Variants in RIMS2 observed in about 807,000 individuals in gnomAD.
RIMS2 encodes the protein regulating synaptic membrane exocytosis 2, also known as regulating synaptic membrane exocytosis protein 2.
Under a neutral mutation model 174.4 loss-of-function variants are expected in RIMS2, and 59 were observed. The observed-to-expected ratio is 0.34, with a 90% CI of 0.27 to 0.42. The LOEUF (loss-of-function observed/expected upper bound fraction) is 0.42. Among genes scored for constraint, RIMS2 ranks in the 10% least tolerant of loss-of-function variants. The pLI is 1.00. For missense variants in RIMS2, 1,620 were observed against 1,666.3 expected (o/e 0.97, Z 0.48); for synonymous variants, 606 against 572.5 (o/e 1.06, Z -0.84).
intron 3 of RIMS2, among the ~76,000 whole-genome samples, chr8:103,880,876 T>A (rs2099164011): frequency 6.6e-6 from 1 of 151,548 alleles, no homozygotes; most frequent in Admixed American, 6.6e-5. Flanking sequence ...GTTTTAACAA[T>A]TTAAAATTTT....
At chr8:103,906,659 G>A (rs2074482659) in intron 4 of RIMS2, among the ~76,000 whole-genome samples, 1 of 152,116 alleles carries the variant, frequency 6.6e-6, no homozygotes, top group African/African-American at 2.4e-5. Context: ...CTTTTTGGTA[G>A]GTTGCAAGCA....
rs1003788709 is a variant in RIMS2, at chr8:103,946,185, A to C, written c.2701+3259A>C. Among the ~76,000 whole-genome samples the C allele has an allele frequency of 3.3e-4, 51 of 152,330 alleles. 1 individual carries two copies. The highest frequency in any genetic ancestry group is 1.6e-4 in the Non-Finnish European group (11 of 68,022). On this transcript the variant is annotated intron_variant, in intron 14 of 23. Coordinates refer to ENST00000504942, the Ensembl canonical transcript of RIMS2. ...CTAGAATCTATTCATTAACATTTTA[A>C]TACTGAAATTAAGAAAACATTTTTG...
intron 13 of RIMS2, among the ~76,000 whole-genome samples, chr8:103,937,154 A>G (rs1165837378): frequency 6.6e-6 from 1 of 152,052 alleles, no homozygotes; most frequent in Non-Finnish European, 1.5e-5. Context: ...ATAGATGTAG[A>G]ATATCTGCAA....
At chr8:104,103,681 ATT>A (rs36124523) in intron 19 of RIMS2, among the ~76,000 whole-genome samples, 1 of 150,194 alleles carries the variant, frequency 6.7e-6, no homozygotes, top group Non-Finnish European at 1.5e-5. Context: ...AGAAAAGGTG[ATT>A]TTTTTTTTCC....
At chr8:103,787,584 A>T (rs1477061050) in intron 3 of RIMS2, among the ~76,000 whole-genome samples, 1 of 152,114 alleles carries the variant, frequency 6.6e-6, no homozygotes, top group Non-Finnish European at 1.5e-5. Context: ...TTCTTTAAGA[A>T]TGTTGAATAT....
At chr8:103,938,327 C>T (rs750009663) in intron 13 of RIMS2, among the ~76,000 whole-genome samples, 26 of 152,036 alleles carry the variant, frequency 1.7e-4, no homozygotes, top group Non-Finnish European at 2.5e-4. Context: ...GAGCAAGTCA[C>T]GTCTTACATG....
intron 19 of RIMS2, among the ~76,000 whole-genome samples, chr8:104,023,960 G>T (rs1312329024): frequency 6.6e-6 from 1 of 152,150 alleles, no homozygotes; most frequent in Admixed American, 6.5e-5. Flanking sequence ...ATGATTATCG[G>T]ACTTAGCAAG....
At chr8:104,120,757 G>GA (rs998687522) in intron 19 of RIMS2, among the ~76,000 whole-genome samples, 8 of 151,740 alleles carry the variant, frequency 5.3e-5, no homozygotes, top group South Asian at 4.2e-4. Flanking sequence ...GATAAAAAAG[G>GA]AAAAAAAATT....
At chr8:103,593,684 A>G (rs1324981032) in intron 1 of RIMS2, among the ~76,000 whole-genome samples, 2 of 151,532 alleles carry the variant, frequency 1.3e-5, no homozygotes, top group Non-Finnish European at 3.0e-5. Flanking sequence ...TTGTGCAAAA[A>G]TATAAAATAA....
chr8:104,254,281 T>C (rs1462534612), downstream of RIMS2: 1 of 152,176 alleles, frequency 6.6e-6, no homozygotes, highest in Non-Finnish European at 1.5e-5. Context: ...TGACCGTTGT[T>C]GCCCTGTACA....
intron 2 of RIMS2, among the ~76,000 whole-genome samples, chr8:103,733,871 C>G (rs2097645831): frequency 6.6e-6 from 1 of 152,010 alleles, no homozygotes. Context: ...TTGTTTAAAC[C>G]AGATACTGTG....
intron 3 of RIMS2, among the ~76,000 whole-genome samples, chr8:103,775,182 G>A (rs1460478104): frequency 6.6e-6 from 1 of 152,038 alleles, no homozygotes; most frequent in Non-Finnish European, 1.5e-5. Flanking sequence ...TAGGTAGTCT[G>A]CTTTCATGAA....
At chr8:103,678,116 A>G (rs1036860776) in intron 1 of RIMS2, among the ~76,000 whole-genome samples, 3 of 152,090 alleles carry the variant, frequency 2.0e-5, no homozygotes, top group African/African-American at 7.2e-5. Context: ...ACTTAATTAT[A>G]TTTGTTTCCA....
chr8:103,611,325 TTTC>T (rs1345241122), intron 1 of RIMS2, among the ~76,000 whole-genome samples: 1 of 152,210 alleles, frequency 6.6e-6, no homozygotes, highest in Non-Finnish European at 1.5e-5. Context: ...TCACTTAGTC[TTTC>T]TTCTTAAGAG....
At chr8:103,578,489 AC>A (rs1374043943) in intron 1 of RIMS2, among the ~76,000 whole-genome samples, 1 of 151,930 alleles carries the variant, frequency 6.6e-6, no homozygotes, top group Non-Finnish European at 1.5e-5. Context: ...CAAGATAGTA[AC>A]ACTGCACTCC....
intron 19 of RIMS2, among the ~76,000 whole-genome samples, chr8:104,163,836 A>G (rs2098779704): frequency 6.6e-6 from 1 of 152,114 alleles, no homozygotes; most frequent in Admixed American, 6.6e-5. Context: ...TGAGAATAGG[A>G]TGAGAGCTGG....
At chr8:104,161,274 T>C (rs1219030641) in intron 19 of RIMS2, among the ~76,000 whole-genome samples, 2 of 152,190 alleles carry the variant, frequency 1.3e-5, no homozygotes, top group Non-Finnish European at 2.9e-5. Context: ...GAAGTATGGA[T>C]AATGTTTAAA....
At chr8:104,181,388 G>T (rs2121553) in intron 19 of RIMS2, among the ~76,000 whole-genome samples, 127,934 of 151,486 alleles carry the variant, frequency 0.84, 54,613 homozygotes, top group East Asian at 1. Flanking sequence ...CATTGTAGGG[G>T]CATAGAGAAA....
At chr8:103,842,181 G>T (rs570315534) in intron 3 of RIMS2, among the ~76,000 whole-genome samples, 7 of 152,064 alleles carry the variant, frequency 4.6e-5, no homozygotes, top group African/African-American at 1.7e-4. Context: ...GTTTTCTATT[G>T]ACTCTCCTTA....
Sources: allele counts gnomAD v4.1 joint callset (sites outside exome capture counted in the v4.1 genomes callset), GRCh38; gene constraint gnomAD v4.1.1; transcripts MANE v1.5; gene names NCBI Gene and HGNC (gene_info 2026-07-23, HGNC 2026-07-21).